Variants in MSX2 observed in about 807,000 individuals in gnomAD.
MSX2 encodes homeobox protein MSX-2.
MSX2 carries 10 observed loss-of-function variants against 18.4 expected under a neutral mutation model. The observed-to-expected ratio is 0.54, with a 90% CI of 0.34 to 0.92. MSX2 has a LOEUF of 0.92. MSX2 is among the 40% of genes least tolerant of loss of function. The pLI is 0.02. For missense variants in MSX2, 339 were observed against 364.0 expected, an observed-to-expected ratio of 0.93 and a Z score of 0.56; for synonymous variants, 170 against 165.6, an observed-to-expected ratio of 1.03 and a Z score of -0.20.
At chr5:174,725,994 C>A (rs2113493912) in intron 1 of MSX2, among the ~76,000 whole-genome samples, 1 of 152,270 alleles carries the variant, frequency 6.6e-6, no homozygotes, top group South Asian at 2.1e-4. Flanking sequence ...GTTTGATATG[C>A]CCTGACCACT....
rs1218781031 is a variant in MSX2, at chr5:174,724,944, G to A, written c.285G>A (p.Leu95=). ...GAREAHSPGP[L]VKPFETASVK... ...GGGAAGCGCACAGCCCCGGGCCGCT[G>A]GTGAAGCCCTTCGAGACCGCCTCGG... is the stretch of plus-strand genomic sequence containing the variant. The change falls in exon 1 of 2, where the codon CTG becomes CTA. Residue 95 remains leucine, a synonymous_variant. Coordinates refer to ENST00000239243, the MANE Select transcript of MSX2 (RefSeq NM_002449.5). The A allele has an allele frequency of 6.3e-7, 1 of 1,592,532 alleles. No homozygotes were observed.
At position 174,725,019 on chromosome 5, in the gene MSX2, C is replaced by T. The variant is rs778509123; in HGVS notation, c.360C>T (p.Gly120=). Residue 120 remains glycine, a synonymous_variant, in exon 1 of 2, where the codon GGC becomes GGT. Coordinates refer to ENST00000239243, the MANE Select transcript of MSX2 (RefSeq NM_002449.5). ...EDGAAWMQEP[G]RYSPPPRHMS... ...GAGCGGCGTGGATGCAGGAACCCGG[C>T]CGATATTCGCCGCCGCCAAGTGAGT... The T allele has an allele frequency of 2.2e-5, 35 of 1,610,504 alleles. No homozygotes were observed. The South Asian group carries it at 3.4e-4, about 16-fold the overall frequency.
intron 1 of MSX2, 36 bp downstream of exon 1, chr5:174,725,074 C>G (rs1192256983): frequency 6.2e-7 from 1 of 1,605,350 alleles, no homozygotes; most frequent in Non-Finnish European, 8.5e-7. Flanking sequence ...GGAGGTAGCG[C>G]GGGGTACTGG....
chr5:174,725,841 C>T (rs917490965), intron 1 of MSX2, among the ~76,000 whole-genome samples: 3 of 152,218 alleles, frequency 2.0e-5, no homozygotes, highest in Non-Finnish European at 4.4e-5. Flanking sequence ...CTAGAACCCC[C>T]AAGTGTAGAC....
intron 1 of MSX2, among the ~76,000 whole-genome samples, chr5:174,728,081 G>T (rs567390558): frequency 6.6e-6 from 1 of 152,324 alleles, no homozygotes; most frequent in South Asian, 2.1e-4. Context: ...TCACAAGGAT[G>T]TCCCAGTCCG....
intron 1 of MSX2, among the ~76,000 whole-genome samples, chr5:174,725,545 G>A (rs1760772515): frequency 1.3e-5 from 2 of 152,044 alleles, no homozygotes; most frequent in Non-Finnish European, 2.9e-5. Flanking sequence ...CAGACATTGA[G>A]GAGAAACCAT....
rs1381865781 is a variant in MSX2, at chr5:174,724,803, C to T, written c.144C>T (p.Ser48=). The T allele has an allele frequency of 2.6e-6, 4 of 1,552,452 alleles. No individual in the cohort carries two copies. The highest frequency in any genetic ancestry group is 2.4e-5 in the East Asian group (1 of 41,330). Residue 48 remains serine, a synonymous_variant, in exon 1 of 2, where the codon AGC becomes AGT. Coordinates refer to ENST00000239243, the MANE Select transcript of MSX2 (RefSeq NM_002449.5). The part of the protein sequence containing the change: ...RRVKVSSLPF[S]VEALMSDKKP... ...TCAAGGTCTCCAGCCTGCCCTTCAG[C>T]GTGGAGGCGCTCATGTCCGACAAGA...
intron 1 of MSX2, 145 bp from the exon 2 acceptor site, chr5:174,729,014 G>T (rs1760865158): frequency 3.0e-6 from 2 of 656,918 alleles, no homozygotes; most frequent in East Asian, 2.8e-5. Context: ...TGTATATATA[G>T]ATTTTTTTAA....
chr5:174,729,683 A>T lies in MSX2; in HGVS notation c.*100A>T. The T allele has an allele frequency of 7.7e-7, 1 of 1,290,996 alleles. No individual in the cohort carries two copies. The highest frequency in any genetic ancestry group is 1.2e-5 in the South Asian group (1 of 83,682). The allele number at this position is 1,290,996 out of a possible 1,614,324, so 80.0% of individuals were successfully genotyped here. A position where few individuals can be genotyped will look rare whatever the true frequency, so the allele number is the denominator to read the frequency against. On this transcript the variant is annotated 3_prime_UTR_variant, in exon 2 of 2. Transcript: ENST00000239243. ...ACCAGCCAGTACTCCTGCTCTGCTA[A>T]CCCTGCGTGCACCACCCTAAGCGGC...
At chr5:174,725,286 T>A (rs1760766164) in intron 1 of MSX2, among the ~76,000 whole-genome samples, 1 of 152,154 alleles carries the variant, frequency 6.6e-6, no homozygotes, top group Non-Finnish European at 1.5e-5. Flanking sequence ...ACATACAGAT[T>A]GTTTTTTCAA....
At chr5:174,726,586 C>CAAAAA (rs34068914) in intron 1 of MSX2, among the ~76,000 whole-genome samples, 3 of 93,402 alleles carry the variant, frequency 3.2e-5, no homozygotes, top group African/African-American at 4.9e-5. Flanking sequence ...TGGGCCTGAC[C>CAAAAA]AAAAAAAAAA....
chr5:174,727,679 C>G (rs1760834016), intron 1 of MSX2, among the ~76,000 whole-genome samples: 1 of 152,180 alleles, frequency 6.6e-6, no homozygotes, highest in Non-Finnish European at 1.5e-5. Flanking sequence ...ATGGTAGTTT[C>G]TTATCCTTCC....
Position 174,727,069 on chromosome 5 carries a change from A to AC in MSX2, c.379+2032dup, listed in dbSNP as rs1283987689. 4.0e-4 allele frequency among the ~76,000 whole-genome samples: 43 copies of AC among 107,898 alleles called. No individual in the cohort carries two copies. The East Asian group carries it at 9.9e-3, about 25-fold the overall frequency. The allele number at this position is 107,898 out of a possible 152,430, so 70.8% of individuals were successfully genotyped here. On this transcript the variant is annotated intron_variant, in intron 1 of 1. Coordinates refer to ENST00000239243, the MANE Select transcript of MSX2 (RefSeq NM_002449.5). ...ACTTAAAGTAAAAAAAAACAAAAAA[A>AC]CAAAAAAAAAACACCATGAAGAATT...
intron 1 of MSX2, among the ~76,000 whole-genome samples, chr5:174,726,250 G>A (rs1030704989): frequency 6.6e-6 from 1 of 152,124 alleles, no homozygotes; most frequent in Non-Finnish European, 1.5e-5. Context: ...GGGCTGTGGA[G>A]GGACTTTCTC....
Position 174,724,802 on chromosome 5 carries a change from G to C in MSX2, c.143G>C (p.Ser48Thr), listed in dbSNP as rs1760741097. The C allele has an allele frequency of 6.4e-7, 1 of 1,552,550 alleles. No individual in the cohort carries two copies. The highest frequency in any genetic ancestry group is 2.0e-5 in the Admixed American group (1 of 51,136). The change falls in exon 1 of 2, where the codon AGC (serine) becomes ACC (threonine). Residue 48 changes from serine to threonine, a missense_variant. Around this residue, in one of 2 missense-constraint regions of MSX2, gnomAD observed 211 missense variants for 185.4 expected, o/e 1.14. Transcript: ENST00000239243. ...GTCAAGGTCTCCAGCCTGCCCTTCA[G>C]CGTGGAGGCGCTCATGTCCGACAAG... Reference protein sequence around the residue: ...RRVKVSSLPFSVEALMSDKKP... With the variant: ...RRVKVSSLPFTVEALMSDKKP...
chr5:174,729,577 G>C lies in MSX2; in HGVS notation c.798G>C (p.Leu266=). The part of the protein sequence containing the change: ...ATPVGYGMYH[L]S ...CAGTGGGATATGGCATGTACCACCT[G>C]TCCTAAGGAAGACCAGATCAATAGA... is the stretch of plus-strand genomic sequence containing the variant. The change falls in exon 2 of 2, where the codon CTG becomes CTC. Residue 266 remains leucine (L), a synonymous_variant. Coordinates refer to ENST00000239243, the MANE Select transcript of MSX2 (RefSeq NM_002449.5). The C allele has an allele frequency of 1.9e-6, 3 of 1,610,144 alleles. No individual in the cohort carries two copies. The highest frequency in any genetic ancestry group is 2.5e-6 in the Non-Finnish European group (3 of 1,179,830).
In MSX2 at chr5:174,730,292, C is replaced by A. The variant is rs1246699386; in HGVS notation, c.*709C>A. ...AAGAATATTTTTGTAAGACCAATAC[C>A]TGGGATGAGAAGAATCCTGAGACTG... is the stretch of plus-strand genomic sequence containing the variant. On this transcript the variant is annotated 3_prime_UTR_variant, in exon 2 of 2. Transcript: ENST00000239243. 1 of 151,524 alleles carries A rather than the reference C, an allele frequency of 6.6e-6. No individual in the cohort carries two copies. The highest frequency in any genetic ancestry group is 1.5e-5 in the Non-Finnish European group (1 of 67,960). The allele number at this position is 151,524 out of a possible 1,614,324, so 9.4% of individuals were successfully genotyped here.
chr5:174,728,892 C>T (rs368228499), intron 1 of MSX2, among the ~76,000 whole-genome samples: 11 of 152,096 alleles, frequency 7.2e-5, no homozygotes, highest in African/African-American at 1.4e-4. Flanking sequence ...CCCCCTCCCC[C>T]CAAGAAACAC....
At chr5:174,726,298 C>T (rs1760795742) in intron 1 of MSX2, among the ~76,000 whole-genome samples, 1 of 152,132 alleles carries the variant, frequency 6.6e-6, no homozygotes, top group Non-Finnish European at 1.5e-5. Flanking sequence ...TTACATCATT[C>T]AGCCCTCAAG....
Sources: gnomAD v4.1 joint callset for allele counts (sites outside exome capture counted in the v4.1 genomes callset) on GRCh38, gnomAD v4.1.1 for gene constraint, gnomAD v4.1.1 regional missense constraint, MANE v1.5 for transcripts, NCBI Gene and HGNC (gene_info 2026-07-23, HGNC 2026-07-21) for gene names.